The following RBFOX1 variants were observed in gnomAD, a reference collection of about 807,000 sequenced individuals.
RBFOX1 encodes RNA binding fox-1 homolog 1.
RBFOX1 carries 8 observed loss-of-function variants against 57.7 expected under a neutral mutation model. The observed-to-expected ratio is 0.14, with a 90% CI of 0.08 to 0.25. RBFOX1 has a LOEUF of 0.25. RBFOX1 is among the 10% of genes least tolerant of loss of function. The pLI, the probability that RBFOX1 is intolerant of heterozygous loss-of-function variation, is 1.00. For synonymous variants in RBFOX1, 326 were observed against 222.4 expected, an observed-to-expected ratio of 1.47 and a Z score of -4.15; for missense variants, 611 against 548.5, an observed-to-expected ratio of 1.11 and a Z score of -1.14.
rs2065354070 is a variant in RBFOX1, at chr16:6,718,829, T to A, written c.-16+64179T>A. On this transcript the variant is annotated intron_variant, in intron 3 of 15. Coordinates refer to ENST00000550418, the MANE Select transcript of RBFOX1 (RefSeq NM_018723.4). ...AACACACTGGCAGAAGAGATGTGCA[T>A]GTTTCTTTCTTTTTTTCTTATCTTT... Among the ~76,000 whole-genome samples the A allele has an allele frequency of 1.3e-5, 2 of 152,070 alleles. 1 individual carries two copies. The highest frequency in any genetic ancestry group is 2.9e-5 in the Non-Finnish European group (2 of 67,988).
At chr16:7,100,474 A>C (rs375780076) in intron 4 of RBFOX1, among the ~76,000 whole-genome samples, 1 of 152,144 alleles carries the variant, frequency 6.6e-6, no homozygotes, top group South Asian at 2.1e-4. Flanking sequence ...CCAAAACAGA[A>C]TCATACTATA....
At chr16:5,777,057 C>T (rs2054171355) in intron 3 of RBFOX1, among the ~76,000 whole-genome samples, 1 of 152,326 alleles carries the variant, frequency 6.6e-6, no homozygotes, top group African/African-American at 2.4e-5. Flanking sequence ...TGCTCTAATG[C>T]CCTGACGTCA....
intron 4 of RBFOX1, among the ~76,000 whole-genome samples, chr16:7,449,936 G>A (rs985394807): frequency 2.0e-5 from 3 of 152,106 alleles, no homozygotes; most frequent in Admixed American, 6.6e-5. Context: ...GAAGTGGAGA[G>A]TTGTCTCTCT....
Position 6,929,380 on chromosome 16 carries a change from T to C in RBFOX1, c.-15-122677T>C, listed in dbSNP as rs150562617. ...GTTAGAATCCCGGTGCACGTCACCA[T>C]TGTCAAAATGACATCCACAAGCAGT... On this transcript the variant is annotated intron_variant, in intron 3 of 15. Coordinates refer to ENST00000550418, the MANE Select transcript of RBFOX1 (RefSeq NM_018723.4). 8.3e-3 allele frequency among the ~76,000 whole-genome samples: 1,266 copies of C among 152,264 alleles called. 13 individuals carry two copies. Among genetic ancestry groups the C allele is most frequent in the African/African-American group, 0.029 (1,201 of 41,534 alleles).
At chr16:5,750,216 T>C (rs1451411852) in intron 3 of RBFOX1, among the ~76,000 whole-genome samples, 1 of 152,182 alleles carries the variant, frequency 6.6e-6, no homozygotes, top group East Asian at 1.9e-4. Flanking sequence ...TGCCCGATCA[T>C]TCCTTTGGAA....
intron 2 of RBFOX1, among the ~76,000 whole-genome samples, chr16:6,449,483 A>T (rs543972348): frequency 6.6e-6 from 1 of 152,272 alleles, no homozygotes; most frequent in Non-Finnish European, 1.5e-5. Context: ...TTTTCTGTTG[A>T]TGGAGTCTAA....
intron 3 of RBFOX1, among the ~76,000 whole-genome samples, chr16:5,738,297 A>G (rs1052007616): frequency 1.4e-4 from 21 of 151,856 alleles, no homozygotes; most frequent in Non-Finnish European, 2.2e-4. Flanking sequence ...TCTATGTGTT[A>G]GGTATATATC....
At chr16:5,481,615 G>C (rs1223039463) in intron 2 of RBFOX1, among the ~76,000 whole-genome samples, 3 of 152,212 alleles carry the variant, frequency 2.0e-5, no homozygotes, top group Non-Finnish European at 2.9e-5. Context: ...TGGGAAAGAA[G>C]ATACCAAGTG....
At chr16:5,370,748 C>G (rs180798500) in intron 1 of RBFOX1, among the ~76,000 whole-genome samples, 1 of 152,140 alleles carries the variant, frequency 6.6e-6, no homozygotes, top group Non-Finnish European at 1.5e-5. Flanking sequence ...CCACCTTGGC[C>G]TCCCAGAGTG....
intron 2 of RBFOX1, among the ~76,000 whole-genome samples, chr16:6,493,865 C>G (rs926997614): frequency 1.3e-5 from 2 of 152,174 alleles, no homozygotes; most frequent in Non-Finnish European, 2.9e-5. Flanking sequence ...TCAGTATAAA[C>G]TATGCAACGT....
intron 3 of RBFOX1, among the ~76,000 whole-genome samples, chr16:6,987,544 CG>C (rs1433939035): frequency 6.6e-6 from 1 of 151,800 alleles, no homozygotes; most frequent in Non-Finnish European, 1.5e-5. Context: ...ATCATATACA[CG>C]GGCACATCTA....
intron 1 of RBFOX1, among the ~76,000 whole-genome samples, chr16:6,144,504 G>A (rs577367407): frequency 5.9e-5 from 9 of 152,166 alleles, no homozygotes; most frequent in African/African-American, 9.7e-5. Context: ...GCACAAGATC[G>A]GAATAGCATT....
intron 1 of RBFOX1, chr16:5,366,128 T>C (rs1255421256): frequency 9.0e-6 from 4 of 443,700 alleles, no homozygotes; most frequent in East Asian, 1.1e-4. Context: ...TGCATGCTAA[T>C]GGACAGCACT....
chr16:7,066,834 C>G (rs1456105214), intron 4 of RBFOX1, among the ~76,000 whole-genome samples: 1 of 152,166 alleles, frequency 6.6e-6, no homozygotes, highest in Non-Finnish European at 1.5e-5. Flanking sequence ...TCAACTCTGT[C>G]TTCCCAGCCA....
intron 1 of RBFOX1, among the ~76,000 whole-genome samples, chr16:5,439,724 T>A (rs1597073762): frequency 6.6e-6 from 1 of 152,040 alleles, no homozygotes; most frequent in Non-Finnish European, 1.5e-5. Flanking sequence ...GGATTACAGG[T>A]TTGAGCCACT....
At chr16:7,225,919 T>TACATATAA (rs1315130232) in intron 4 of RBFOX1, among the ~76,000 whole-genome samples, 1 of 142,146 alleles carries the variant, frequency 7.0e-6, no homozygotes, top group African/African-American at 2.7e-5. Flanking sequence ...TATATATATA[T>TACATATAA]AAATGTGAAT....
intron 3 of RBFOX1, among the ~76,000 whole-genome samples, chr16:6,765,101 C>G (rs544403101): frequency 6.6e-6 from 1 of 151,830 alleles, no homozygotes; most frequent in Non-Finnish European, 1.5e-5. Flanking sequence ...TCTGGGGAAG[C>G]GTGCTCTAGG....
At chr16:5,609,943 C>G (rs560722498) in intron 3 of RBFOX1, among the ~76,000 whole-genome samples, 4 of 152,220 alleles carry the variant, frequency 2.6e-5, no homozygotes, top group African/African-American at 7.2e-5. Context: ...AGTTTTTATT[C>G]AAATATTATC....
At chr16:6,126,769 A>G (rs140588746) in intron 1 of RBFOX1, among the ~76,000 whole-genome samples, 1 of 152,306 alleles carries the variant, frequency 6.6e-6, no homozygotes, top group African/African-American at 2.4e-5. Context: ...ACATGTATGT[A>G]TCTCAAGGGT....
Sources: allele counts gnomAD v4.1 joint callset (sites outside exome capture counted in the v4.1 genomes callset), GRCh38; gene constraint gnomAD v4.1.1; transcripts MANE v1.5; gene names NCBI Gene and HGNC (gene_info 2026-07-23, HGNC 2026-07-21).